SNTG1: variants seen among roughly 807,000 people sequenced by gnomAD.
The protein encoded by SNTG1 is gamma-1-syntrophin.
In SNTG1, 39 loss-of-function variants were observed where a neutral mutation model predicts 74.7. The observed-to-expected ratio is 0.52, with a 90% CI of 0.40 to 0.68. The LOEUF (loss-of-function observed/expected upper bound fraction) is 0.68. Ranked by LOEUF, SNTG1 falls within the 30% of genes least tolerant of loss-of-function variation. The pLI is 0.00. For missense variants in SNTG1, 685 were observed against 609.5 expected, an observed-to-expected ratio of 1.12 and a Z score of -1.30; for synonymous variants, 254 against 217.1, an observed-to-expected ratio of 1.17 and a Z score of -1.49.
At chr8:49,995,166 A>T (rs533872096) in intron 1 of SNTG1, among the ~76,000 whole-genome samples, 10 of 152,190 alleles carry the variant, frequency 6.6e-5, no homozygotes, top group Non-Finnish European at 1.5e-4. Context: ...GAGTGAATAA[A>T]ATCCTGAACT....
intron 2 of SNTG1, among the ~76,000 whole-genome samples, chr8:50,225,199 C>T (rs944862077): frequency 2.0e-5 from 3 of 151,980 alleles, no homozygotes; most frequent in Non-Finnish European, 4.4e-5. Flanking sequence ...GTCTTGATCT[C>T]CTGACCTCGT....
intron 8 of SNTG1, among the ~76,000 whole-genome samples, chr8:50,486,480 GA>G (rs2093795666): frequency 4.3e-5 from 1 of 23,438 alleles, no homozygotes; most frequent in East Asian, 9.1e-4. Flanking sequence ...GAATGCTTGT[GA>G]TTTTTTGTAC....
intron 18 of SNTG1, among the ~76,000 whole-genome samples, chr8:50,770,063 T>C (rs957126746): frequency 6.6e-6 from 1 of 151,812 alleles, no homozygotes; most frequent in African/African-American, 2.4e-5. Context: ...ATGAAGAGAG[T>C]AAAGGATCAA....
chr8:49,973,665 A>G (rs1811928475), intron 1 of SNTG1, among the ~76,000 whole-genome samples: 2 of 152,226 alleles, frequency 1.3e-5, no homozygotes, highest in Non-Finnish European at 2.9e-5. Context: ...ATGAAAACAC[A>G]GTATATACTG....
Position 50,480,953 on chromosome 8 carries a change from A to G in SNTG1, c.364-21825A>G, listed in dbSNP as rs1436969314. Reference sequence around the variant, plus strand: ...TTTTTATTAAAAACAAGCATTGAATATTCAGTGTACACATAGTATCCTCTT... The same window carrying G: ...TTTTTATTAAAAACAAGCATTGAATGTTCAGTGTACACATAGTATCCTCTT... On this transcript the variant is annotated intron_variant, in intron 8 of 18. Transcript: ENST00000642720. Among the ~76,000 whole-genome samples, 3 of 152,222 alleles carry G rather than the reference A, an allele frequency of 2.0e-5. No homozygotes were observed. In the East Asian group the frequency reaches 5.8e-4, roughly 29 times the overall value.
intron 2 of SNTG1, among the ~76,000 whole-genome samples, chr8:50,232,319 A>G (rs866717547): frequency 7.3e-5 from 11 of 151,556 alleles, no homozygotes; most frequent in African/African-American, 2.2e-4. Flanking sequence ...AGTAAAATCC[A>G]TTATTTTATC....
intron 1 of SNTG1, among the ~76,000 whole-genome samples, chr8:50,029,096 T>C (rs1817526981): frequency 6.6e-6 from 1 of 152,118 alleles, no homozygotes; most frequent in Non-Finnish European, 1.5e-5. Flanking sequence ...TTAACAAGAT[T>C]TATTGAAAAA....
chr8:50,206,232 C>T (rs1235632437), intron 2 of SNTG1, among the ~76,000 whole-genome samples: 1 of 152,146 alleles, frequency 6.6e-6, no homozygotes, highest in African/African-American at 2.4e-5. Flanking sequence ...TTTGTGTCCT[C>T]TTTTATTTTG....
rs1337975446 is a variant in SNTG1, at chr8:50,088,481, G to A, written c.-102-84080G>A. On this transcript the variant is annotated intron_variant, in intron 1 of 18. Coordinates refer to ENST00000642720, the MANE Select transcript of SNTG1 (RefSeq NM_018967.5). ...AGTCAAATTGTCCCTGTTTGCAGAC[G>A]ACATGATTGTATATCTAGAAAACCC... is the stretch of plus-strand genomic sequence containing the variant. 5.4e-5 allele frequency among the ~76,000 whole-genome samples: 7 copies of A among 129,706 alleles called. No individual in the cohort carries two copies. The East Asian group carries it at 6.7e-4, about 12-fold the overall frequency. The allele number at this position is 129,706 out of a possible 152,430, so 85.1% of individuals were successfully genotyped here. A position where few individuals can be genotyped will look rare whatever the true frequency, so the allele number is the denominator to read the frequency against.
chr8:50,640,365 A>G (rs541473370), intron 13 of SNTG1, among the ~76,000 whole-genome samples: 1 of 152,126 alleles, frequency 6.6e-6, no homozygotes, highest in East Asian at 1.9e-4. Flanking sequence ...GTTAATCTAC[A>G]TTCTTTTCAC....
At chr8:50,521,736 T>C (rs1247079394) in intron 9 of SNTG1, among the ~76,000 whole-genome samples, 1 of 152,232 alleles carries the variant, frequency 6.6e-6, no homozygotes, top group African/African-American at 2.4e-5. Flanking sequence ...ATATTCTAAA[T>C]ACTTTATTGT....
At chr8:50,701,819 T>TCTC (rs748825249) in intron 15 of SNTG1, among the ~76,000 whole-genome samples, 312 of 144,374 alleles carry the variant, frequency 2.2e-3, no homozygotes, top group African/African-American at 7.0e-3. Flanking sequence ...TTCTTCTTCT[T>TCTC]CTCCTCCTCC....
chr8:50,081,325 T>A (rs572118233), intron 1 of SNTG1, among the ~76,000 whole-genome samples: 2 of 152,210 alleles, frequency 1.3e-5, no homozygotes, highest in Non-Finnish European at 2.9e-5. Context: ...TGGTCATTTA[T>A]CTCTAGCCTT....
intron 13 of SNTG1, among the ~76,000 whole-genome samples, chr8:50,643,198 G>A (rs770238993): frequency 1.1e-4 from 16 of 152,184 alleles, no homozygotes; most frequent in African/African-American, 3.9e-4. Context: ...AATAGCCATC[G>A]TATTTCCTTT....
In SNTG1 at chr8:50,692,551, G is replaced by C. The variant is rs529316130; in HGVS notation, c.1039-12049G>C. 6.6e-5 allele frequency among the ~76,000 whole-genome samples: 10 copies of C among 152,314 alleles called. No individual in the cohort carries two copies. The East Asian group carries it at 1.9e-3, about 29-fold the overall frequency. ...GTTTGCCTGGGTTTCAGCAGCGGTG[G>C]CTGCAGAACAGCGGACATTAGTGAA... On this transcript the variant is annotated intron_variant, in intron 15 of 18. Transcript: ENST00000642720.
chr8:50,328,903 T>C (rs2090854426), intron 2 of SNTG1, among the ~76,000 whole-genome samples: 1 of 152,224 alleles, frequency 6.6e-6, no homozygotes, highest in Non-Finnish European at 1.5e-5. Context: ...CCCTTCTACC[T>C]GTGAACCTGT....
chr8:50,331,250 T>A (rs551913233), intron 2 of SNTG1, among the ~76,000 whole-genome samples: 30 of 152,266 alleles, frequency 2.0e-4, no homozygotes, highest in African/African-American at 7.0e-4. Flanking sequence ...TAAGTGTGTC[T>A]TTACAGCAGC....
At chr8:50,624,340 T>C (rs2094943219) in intron 13 of SNTG1, among the ~76,000 whole-genome samples, 1 of 151,958 alleles carries the variant, frequency 6.6e-6, no homozygotes, top group Admixed American at 6.6e-5. Context: ...AATTATATTT[T>C]TTTTCAACAA....
intron 18 of SNTG1, among the ~76,000 whole-genome samples, chr8:50,792,250 A>C (rs1038481080): frequency 6.6e-6 from 1 of 151,994 alleles, no homozygotes; most frequent in African/African-American, 2.4e-5. Context: ...GGCAAATATT[A>C]ACTCATTCTA....
Sources: allele counts gnomAD v4.1 joint callset (sites outside exome capture counted in the v4.1 genomes callset), GRCh38; gene constraint gnomAD v4.1.1; transcripts MANE v1.5; gene names NCBI Gene and HGNC (gene_info 2026-07-23, HGNC 2026-07-21).